Variants in ARHGAP25 observed in about 807,000 individuals in gnomAD.
The protein encoded by ARHGAP25 is Rho GTPase activating protein 25, also known as rho GTPase-activating protein 25.
ARHGAP25 carries 34 observed loss-of-function variants against 71.0 expected under a neutral mutation model. That is an observed-to-expected ratio of 0.48 (90% CI 0.36 to 0.64). ARHGAP25 has a LOEUF of 0.64. Among genes scored for constraint, ARHGAP25 ranks in the 30% least tolerant of loss-of-function variants. The pLI, the probability that ARHGAP25 is intolerant of heterozygous loss-of-function variation, is 0.00. For synonymous variants in ARHGAP25, 282 were observed against 296.5 expected (o/e 0.95, Z 0.50); for missense variants, 706 against 805.1 (o/e 0.88, Z 1.49).
rs761231614 is a variant in ARHGAP25, at chr2:68,822,875, A to G, written c.1733+3A>G. 24 of 1,604,298 alleles carry G rather than the reference A, an allele frequency of 1.5e-5. No individual in the cohort carries two copies. In the African/African-American group the frequency reaches 2.1e-4, roughly 14 times the overall value. Reference sequence around the variant, plus strand: ...ATGTATGAGGAACAGATTAAAAAGTAAGTCAGACAGAGGGGCACTGAGAGG... The same window carrying G: ...ATGTATGAGGAACAGATTAAAAAGTGAGTCAGACAGAGGGGCACTGAGAGG... On this transcript the variant is annotated splice_donor_region_variant and intron_variant, in intron 10 of 10. Transcript: ENST00000409202.
intron 2 of ARHGAP25, among the ~76,000 whole-genome samples, chr2:68,720,430 C>T (rs570843585): frequency 6.6e-6 from 1 of 151,840 alleles, no homozygotes; most frequent in South Asian, 2.1e-4. Context: ...AATTATGTAG[C>T]CATTATGTAG....
At chr2:68,754,310 TTTTGC>T in intron 1 of ARHGAP25, among the ~76,000 whole-genome samples, 1 of 4,518 alleles carries the variant, frequency 2.2e-4, no homozygotes, top group South Asian at 6.3e-3. Flanking sequence ...GTTCCTATGC[TTTTGC>T]TTTTTTCAAA....
intron 10 of ARHGAP25, among the ~76,000 whole-genome samples, chr2:68,825,785 A>G (rs1682082527): frequency 1.3e-5 from 2 of 152,008 alleles, no homozygotes; most frequent in Non-Finnish European, 2.9e-5. Flanking sequence ...TCCAAAAAAA[A>G]ATGACAAATG....
intron 1 of ARHGAP25, among the ~76,000 whole-genome samples, chr2:68,759,466 A>C (rs1390983775): frequency 2.0e-5 from 3 of 151,954 alleles, no homozygotes; most frequent in Non-Finnish European, 4.4e-5. Context: ...ACACCAACAA[A>C]TTTGATAACC....
At chr2:68,727,523 C>G (rs1158134657) in intron 2 of ARHGAP25, among the ~76,000 whole-genome samples, 1 of 152,198 alleles carries the variant, frequency 6.6e-6, no homozygotes, top group East Asian at 1.9e-4. Flanking sequence ...CATCACCCTA[C>G]TTCACAAAGG....
At chr2:68,766,714 T>TTCTCTCTCTC (rs140846028) in intron 1 of ARHGAP25, among the ~76,000 whole-genome samples, 4 of 148,344 alleles carry the variant, frequency 2.7e-5, no homozygotes, top group African/African-American at 7.4e-5. Context: ...CTCTCTCCCC[T>TTCTCTCTCTC]TCTCTCTCTC....
rs140478036 is a variant in ARHGAP25, at chr2:68,750,225, G to A, written c.61+14965G>A. On this transcript the variant is annotated intron_variant, in intron 1 of 10. Transcript: ENST00000409202. ...TGAGGTCTTGCTCTATTGCCCAGCTGGTCTTGGACTCCTGGCCCCAAGTGA... is the reference window on the plus strand; with the variant it reads ...TGAGGTCTTGCTCTATTGCCCAGCTAGTCTTGGACTCCTGGCCCCAAGTGA... Among the ~76,000 whole-genome samples the A allele has an allele frequency of 9.2e-3, 1,355 of 147,998 alleles. 19 individuals are homozygous for A. Among genetic ancestry groups the A allele is most frequent in the African/African-American group, 0.032 (1,287 of 39,986 alleles).
At chr2:68,730,972 T>A (rs1287175259), upstream of ARHGAP25, among the ~76,000 whole-genome samples, 3 of 152,258 alleles carry the variant, frequency 2.0e-5, no homozygotes, top group East Asian at 5.8e-4. Context: ...GCATGCACTA[T>A]TTTTGTATCT....
At chr2:68,823,599 G>A (rs1264939705) in intron 10 of ARHGAP25, among the ~76,000 whole-genome samples, 1 of 152,206 alleles carries the variant, frequency 6.6e-6, no homozygotes, top group East Asian at 1.9e-4. Context: ...GAAGCTGCCT[G>A]GGGCCAGGGA....
chr2:68,771,023 G>A (rs1677452154), intron 1 of ARHGAP25, among the ~76,000 whole-genome samples: 1 of 152,100 alleles, frequency 6.6e-6, no homozygotes, highest in Non-Finnish European at 1.5e-5. Flanking sequence ...GAAACACACA[G>A]GCTTACTGAG....
At chr2:68,712,236 G>A (rs754246145) in intron 2 of ARHGAP25, among the ~76,000 whole-genome samples, 18 of 152,100 alleles carry the variant, frequency 1.2e-4, no homozygotes, top group Non-Finnish European at 1.9e-4. Context: ...ATCTCATTGC[G>A]GTTTTGATTT....
At chr2:68,796,011 G>C (rs150798159) in intron 4 of ARHGAP25, among the ~76,000 whole-genome samples, 113 of 152,204 alleles carry the variant, frequency 7.4e-4, no homozygotes, top group African/African-American at 2.6e-3. Context: ...GACTCACTTT[G>C]TTCATTCCTT....
At chr2:68,743,305 G>GT (rs1675618105) in intron 1 of ARHGAP25, among the ~76,000 whole-genome samples, 1 of 81,020 alleles carries the variant, frequency 1.2e-5, no homozygotes, top group Non-Finnish European at 2.8e-5. Context: ...GGGGCTCAGT[G>GT]TTTAACTGCT....
intron 1 of ARHGAP25, among the ~76,000 whole-genome samples, chr2:68,756,158 G>C (rs767457910): frequency 1.3e-5 from 2 of 152,230 alleles, no homozygotes; most frequent in African/African-American, 2.4e-5. Context: ...GTGAGTTTCA[G>C]CTCTTAACAC....
intron 10 of ARHGAP25, among the ~76,000 whole-genome samples, chr2:68,823,426 T>C (rs942277809): frequency 7.2e-5 from 11 of 152,074 alleles, no homozygotes; most frequent in African/African-American, 2.4e-4. Flanking sequence ...TGGGTTCCAA[T>C]GTAAAATAGG....
intron 10 of ARHGAP25, among the ~76,000 whole-genome samples, chr2:68,824,614 T>A (rs187390390): frequency 3.9e-5 from 6 of 152,094 alleles, no homozygotes; most frequent in Non-Finnish European, 8.8e-5. Context: ...TGATGGTGGG[T>A]GCCTGTAGTC....
intron 5 of ARHGAP25, among the ~76,000 whole-genome samples, chr2:68,811,683 C>G (rs1471010128): frequency 1.3e-5 from 2 of 152,120 alleles, no homozygotes; most frequent in Admixed American, 6.5e-5. Context: ...AACTGGCTGT[C>G]AAAACCAAAG....
intron 2 of ARHGAP25, among the ~76,000 whole-genome samples, chr2:68,722,610 G>A (rs1049248563): frequency 6.6e-6 from 1 of 150,662 alleles, no homozygotes; most frequent in African/African-American, 2.4e-5. Flanking sequence ...CTACATTCCA[G>A]ACACTATATT....
chr2:68,775,357 G>A lies in ARHGAP25; in HGVS notation c.198G>A (p.Arg66=), dbSNP rs1326708840. 6.8e-6 allele frequency: 11 copies of A among 1,614,128 alleles called. No homozygotes were observed. Among genetic ancestry groups the A allele is most frequent in the Non-Finnish European group, 9.3e-6 (11 of 1,180,062 alleles). The part of the protein sequence containing the change: ...QRSIVKNWQQ[R]YFVLRAQQLY... Reference sequence around the variant, plus strand: ...CCATCGTGAAGAACTGGCAGCAGAGGTACTTTGTGCTGAGGGCGCAGCAGC... The same window carrying A: ...CCATCGTGAAGAACTGGCAGCAGAGATACTTTGTGCTGAGGGCGCAGCAGC... Residue 66 remains arginine, a synonymous_variant, in exon 2 of 11, where the codon AGG becomes AGA. Transcript: ENST00000409202.
Sources: allele counts gnomAD v4.1 joint callset (sites outside exome capture counted in the v4.1 genomes callset), GRCh38; gene constraint gnomAD v4.1.1; transcripts MANE v1.5; gene names NCBI Gene and HGNC (gene_info 2026-07-23, HGNC 2026-07-21).